Variants in EAF2 observed in about 807,000 individuals in gnomAD.
The protein encoded by EAF2 is ELL-associated factor 2.
Under a neutral mutation model 29.4 loss-of-function variants are expected in EAF2, and 29 were observed. The observed-to-expected ratio is 0.99, with a 90% CI of 0.73 to 1.35. The LOEUF is 1.35. Ranked by LOEUF, EAF2 falls within the 40% of genes most tolerant of loss-of-function variation. The pLI is 0.00. For synonymous variants in EAF2, 103 were observed against 102.5 expected (o/e 1.00, Z -0.03); for missense variants, 292 against 312.0 (o/e 0.94, Z 0.48).
At chr3:121,883,152 G>GAATGC (rs1709219022) in intron 5 of EAF2, among the ~76,000 whole-genome samples, 1 of 152,112 alleles carries the variant, frequency 6.6e-6, no homozygotes, top group Non-Finnish European at 1.5e-5. Flanking sequence ...TTAATGCATA[G>GAATGC]ATTTGGATTT....
chr3:121,840,498 A>AG (rs1708394845), intron 1 of EAF2, among the ~76,000 whole-genome samples: 1 of 75,300 alleles, frequency 1.3e-5, no homozygotes. Context: ...TAAAAAAAAA[A>AG]AAAAAAAAAA....
intron 1 of EAF2, among the ~76,000 whole-genome samples, chr3:121,841,796 T>A (rs1708438122): frequency 6.6e-6 from 1 of 150,952 alleles, no homozygotes; most frequent in South Asian, 2.1e-4. Flanking sequence ...GATCACGAGG[T>A]CAGGAGTTCG....
intron 5 of EAF2, among the ~76,000 whole-genome samples, chr3:121,885,231 A>G (rs190161569): frequency 3.3e-5 from 5 of 152,302 alleles, no homozygotes; most frequent in African/African-American, 1.2e-4. Context: ...TGTACCCTAA[A>G]TTCAATGTTT....
chr3:121,862,707 T>C (rs1216266545), intron 4 of EAF2, among the ~76,000 whole-genome samples: 2 of 152,256 alleles, frequency 1.3e-5, no homozygotes, highest in Admixed American at 6.5e-5. Context: ...TCCAGCTTTA[T>C]TCCATTGCTG....
At chr3:121,881,679 T>C (rs1018514310) in intron 5 of EAF2, among the ~76,000 whole-genome samples, 2 of 151,936 alleles carry the variant, frequency 1.3e-5, no homozygotes, top group Non-Finnish European at 2.9e-5. Context: ...CCGGCTAATT[T>C]TTTTGTATTT....
At chr3:121,857,992 C>T (rs193025600) in intron 4 of EAF2, among the ~76,000 whole-genome samples, 13 of 152,302 alleles carry the variant, frequency 8.5e-5, no homozygotes, top group African/African-American at 2.4e-4. Flanking sequence ...CTACAAAGGA[C>T]GTGAACACAT....
chr3:121,869,067 G>A (rs1349310816), intron 4 of EAF2, among the ~76,000 whole-genome samples: 1 of 152,126 alleles, frequency 6.6e-6, no homozygotes, highest in Non-Finnish European at 1.5e-5. Context: ...ACAGACAACA[G>A]GAGATATCTC....
chr3:121,877,277 T>A (rs1444827547), intron 5 of EAF2, among the ~76,000 whole-genome samples: 1 of 151,778 alleles, frequency 6.6e-6, no homozygotes, highest in African/African-American at 2.4e-5. Context: ...CAAGTCTATT[T>A]TAGTGGGAGA....
At chr3:121,849,932 ATATG>A (rs748558041) in intron 2 of EAF2, among the ~76,000 whole-genome samples, 2 of 129,864 alleles carry the variant, frequency 1.5e-5, no homozygotes, top group East Asian at 4.3e-4. Flanking sequence ...ATATATATAT[ATATG>A]TATGTATATA....
intron 2 of EAF2, among the ~76,000 whole-genome samples, chr3:121,846,299 G>C (rs947539163): frequency 2.6e-5 from 4 of 152,112 alleles, no homozygotes; most frequent in African/African-American, 4.8e-5. Flanking sequence ...ATTTGTATGG[G>C]CTTTTTATTG....
Position 121,869,330 on chromosome 3 carries a change from C to A in EAF2, c.485-3207C>A, listed in dbSNP as rs529957222. ...ACTAGGAAAAGAAAAGCAGATTAAACCCAAAGCAAGCAAAAAGAGACAAAT... is the reference window on the plus strand; with the variant it reads ...ACTAGGAAAAGAAAAGCAGATTAAAACCAAAGCAAGCAAAAAGAGACAAAT... On this transcript the variant is annotated intron_variant, in intron 4 of 5. Coordinates refer to ENST00000273668, the MANE Select transcript of EAF2 (RefSeq NM_018456.6). Among the ~76,000 whole-genome samples the A allele has an allele frequency of 6.6e-5, 10 of 151,986 alleles. No individual in the cohort carries two copies. The South Asian group carries it at 2.1e-3, about 32-fold the overall frequency.
At chr3:121,840,515 A>AAAAAAAAAAAAAAAAAAAAAAAAAAAAC (rs1167466790) in intron 1 of EAF2, among the ~76,000 whole-genome samples, 1 of 97,892 alleles carries the variant, frequency 1.0e-5, no homozygotes, top group Non-Finnish European at 2.0e-5. Context: ...AAAAGAAAAA[A>AAAAAAAAAAAAAAAAAAAAAAAAAAAAC]AAAAAACGGG....
chr3:121,846,839 G>A (rs1020491732), intron 2 of EAF2, among the ~76,000 whole-genome samples: 1 of 151,928 alleles, frequency 6.6e-6, no homozygotes, highest in South Asian at 2.1e-4. Flanking sequence ...ATAAACCCTT[G>A]TCATTCATTC....
At chr3:121,867,795 A>C (rs992139093) in intron 4 of EAF2, among the ~76,000 whole-genome samples, 2 of 152,226 alleles carry the variant, frequency 1.3e-5, no homozygotes, top group Non-Finnish European at 2.9e-5. Flanking sequence ...TGACTGAAAC[A>C]AAAATGATAA....
At chr3:121,865,169 G>A (rs1022146888) in intron 4 of EAF2, among the ~76,000 whole-genome samples, 3 of 152,066 alleles carry the variant, frequency 2.0e-5, no homozygotes, top group South Asian at 2.1e-4. Context: ...AGCACTTTGG[G>A]GGCCCAAGGT....
chr3:121,870,227 A>G (rs1708988538), intron 4 of EAF2, among the ~76,000 whole-genome samples: 1 of 152,210 alleles, frequency 6.6e-6, no homozygotes, highest in Admixed American at 6.5e-5. Context: ...AGTACAAGAA[A>G]AGGAAAACTA....
At chr3:121,874,663 T>C (rs976480943) in intron 5 of EAF2, among the ~76,000 whole-genome samples, 2 of 151,992 alleles carry the variant, frequency 1.3e-5, no homozygotes, top group Admixed American at 6.6e-5. Flanking sequence ...GGATATTTTA[T>C]ATTTTAGAAT....
intron 4 of EAF2, among the ~76,000 whole-genome samples, chr3:121,869,570 T>C (rs1030532501): frequency 1.2e-4 from 18 of 152,144 alleles, no homozygotes; most frequent in Non-Finnish European, 2.4e-4. Flanking sequence ...CCAGTAGCCA[T>C]TAAAAGTATT....
chr3:121,878,563 C>T (rs926738242), intron 5 of EAF2, among the ~76,000 whole-genome samples: 5 of 152,092 alleles, frequency 3.3e-5, no homozygotes, highest in African/African-American at 1.2e-4. Context: ...CTTGTCTTCA[C>T]CTTTCCGAGC....
Sources: gnomAD v4.1 joint callset for allele counts (sites outside exome capture counted in the v4.1 genomes callset) on GRCh38, gnomAD v4.1.1 for gene constraint, MANE v1.5 for transcripts, NCBI Gene and HGNC (gene_info 2026-07-23, HGNC 2026-07-21) for gene names.